TECPR2: variants seen among roughly 807,000 people sequenced by gnomAD.
The protein encoded by TECPR2 is tectonin beta-propeller repeat containing 2, also known as tectonin beta-propeller repeat-containing protein 2.
Under a neutral mutation model 138.1 loss-of-function variants are expected in TECPR2, and 65 were observed. The ratio of observed to expected loss-of-function variants is 0.47; its 90% CI spans 0.39 to 0.58. The LOEUF (loss-of-function observed/expected upper bound fraction) is 0.58. TECPR2 is among the 20% of genes least tolerant of loss of function. The pLI is 0.00. For missense variants in TECPR2, 1,553 were observed against 1,824.5 expected, an observed-to-expected ratio of 0.85 and a Z score of 2.71; for synonymous variants, 746 against 749.8, an observed-to-expected ratio of 0.99 and a Z score of 0.08.
At chr14:102,427,421 A>G (rs1344663279) in intron 6 of TECPR2, among the ~76,000 whole-genome samples, 2 of 152,206 alleles carry the variant, frequency 1.3e-5, no homozygotes, top group African/African-American at 4.8e-5. Context: ...TGGACCACCC[A>G]GTGGCAGCAT....
intron 17 of TECPR2, among the ~76,000 whole-genome samples, chr14:102,487,174 G>A (rs182484108): frequency 1.3e-5 from 2 of 152,316 alleles, no homozygotes; most frequent in East Asian, 1.9e-4. Flanking sequence ...ACAAATGGCC[G>A]CCTGGATAAC....
chr14:102,377,412 G>A (rs1050809426), intron 2 of TECPR2, among the ~76,000 whole-genome samples: 22 of 152,210 alleles, frequency 1.4e-4, no homozygotes, highest in African/African-American at 4.3e-4. Flanking sequence ...CTCCTGCCTT[G>A]GCCTCCTAAA....
At chr14:102,432,969 A>G (rs1567338840) in intron 8 of TECPR2, among the ~76,000 whole-genome samples, 1 of 148,214 alleles carries the variant, frequency 6.7e-6, no homozygotes, top group Non-Finnish European at 1.5e-5. Context: ...ACGCCACTGC[A>G]CTCCAGCCTC....
chr14:102,423,376 G>T (rs1889235066), intron 5 of TECPR2, among the ~76,000 whole-genome samples: 1 of 151,670 alleles, frequency 6.6e-6, no homozygotes, highest in Non-Finnish European at 1.5e-5. Flanking sequence ...AGGTTCCATT[G>T]CATTGAGCCC....
At chr14:102,486,098 G>A (rs1475755425) in intron 17 of TECPR2, among the ~76,000 whole-genome samples, 2 of 152,164 alleles carry the variant, frequency 1.3e-5, no homozygotes. Context: ...GCAGCTTCTT[G>A]CTGGATTCTG....
chr14:102,396,817 A>G (rs1888327515), intron 2 of TECPR2, among the ~76,000 whole-genome samples: 1 of 152,196 alleles, frequency 6.6e-6, no homozygotes, highest in African/African-American at 2.4e-5. Flanking sequence ...AATAGGCAAA[A>G]AGCATCTTGT....
intron 1 of TECPR2, among the ~76,000 whole-genome samples, chr14:102,369,561 A>G (rs1887438427): frequency 6.6e-6 from 1 of 151,866 alleles, no homozygotes; most frequent in Non-Finnish European, 1.5e-5. Flanking sequence ...AGTAGATGGT[A>G]CTACAGGCAC....
intron 16 of TECPR2, among the ~76,000 whole-genome samples, chr14:102,456,461 C>G (rs1332388297): frequency 6.6e-6 from 1 of 152,102 alleles, no homozygotes; most frequent in African/African-American, 2.4e-5. Flanking sequence ...GGGAGGTGAA[C>G]AGGCAACCGG....
Position 102,362,998 on chromosome 14 carries a change from G to A in TECPR2, c.-191G>A, listed in dbSNP as rs1887217160. The A allele has an allele frequency of 9.2e-7, 1 of 1,082,194 alleles. No homozygotes were observed. The highest frequency in any genetic ancestry group is 1.3e-6 in the Non-Finnish European group (1 of 746,084). The allele number at this position is 1,082,194 out of a possible 1,614,324, so 67.0% of individuals were successfully genotyped here. A position where few individuals can be genotyped will look rare whatever the true frequency, so the allele number is the denominator to read the frequency against. ...AGCCAGCTGCTGCTCTTCGGTGCTG[G>A]CCCCGGTGCCGGCCCCGTTGCCCAG... On this transcript the variant is annotated 5_prime_UTR_variant, in exon 1 of 20. Coordinates refer to ENST00000359520, the MANE Select transcript of TECPR2 (RefSeq NM_014844.5).
At chr14:102,376,419 A>C (rs1328207152) in intron 1 of TECPR2, among the ~76,000 whole-genome samples, 1 of 151,732 alleles carries the variant, frequency 6.6e-6, no homozygotes, top group Non-Finnish European at 1.5e-5. Flanking sequence ...TATTCTTTCC[A>C]CTCCTCCATG....
At chr14:102,488,866 TAG>T (rs1891097287) in intron 17 of TECPR2, among the ~76,000 whole-genome samples, 1 of 152,044 alleles carries the variant, frequency 6.6e-6, no homozygotes, top group Non-Finnish European at 1.5e-5. Flanking sequence ...TGTCACTATA[TAG>T]TTCCAGAACA....
intron 17 of TECPR2, among the ~76,000 whole-genome samples, chr14:102,495,171 G>A (rs1408578104): frequency 2.0e-5 from 3 of 149,968 alleles, no homozygotes; most frequent in South Asian, 2.1e-4. Context: ...CCGGGATTGC[G>A]CCAGGGCACT....
In TECPR2 at chr14:102,465,250, C is replaced by T. The variant is rs767100178; in HGVS notation, c.3750C>T (p.Leu1250=). 1.9e-6 allele frequency: 3 copies of T among 1,614,100 alleles called. No homozygotes were observed. Among genetic ancestry groups the T allele is most frequent in the Non-Finnish European group, 2.5e-6 (3 of 1,180,014 alleles). ...RVGTQPLNPS[L]MLPAWIMIEP... ...GGACTCAGCCTCTCAATCCCAGTCT[C>T]ATGCTTCCAGCCTGGATAATGATTG... The change falls in exon 17 of 20, where the codon CTC becomes CTT. Residue 1250 remains leucine (L), a synonymous_variant. Transcript: ENST00000359520.
At chr14:102,432,559 C>T (rs1003201459) in intron 8 of TECPR2, among the ~76,000 whole-genome samples, 2 of 151,920 alleles carry the variant, frequency 1.3e-5, no homozygotes, top group African/African-American at 4.8e-5. Flanking sequence ...GCATGCCCAG[C>T]GAATTTTGTA....
intron 1 of TECPR2, among the ~76,000 whole-genome samples, chr14:102,370,411 A>G (rs1359587251): frequency 6.6e-6 from 1 of 152,198 alleles, no homozygotes; most frequent in African/African-American, 2.4e-5. Context: ...ATTAGGCAAT[A>G]CTTACTGGTG....
chr14:102,412,081 A>G (rs1391415666), intron 4 of TECPR2, among the ~76,000 whole-genome samples: 1 of 151,628 alleles, frequency 6.6e-6, no homozygotes, highest in Non-Finnish European at 1.5e-5. Context: ...TCACTTAGAA[A>G]ATACTATTCA....
At chr14:102,464,219 A>G (rs1890491139) in intron 16 of TECPR2, among the ~76,000 whole-genome samples, 1 of 152,222 alleles carries the variant, frequency 6.6e-6, no homozygotes. Context: ...CCTGGCTGAC[A>G]GCCTGTCCAC....
intron 2 of TECPR2, 39 bp from the exon 3 acceptor site, chr14:102,407,299 G>C: frequency 6.4e-7 from 1 of 1,555,738 alleles, no homozygotes; most frequent in South Asian, 1.2e-5. Flanking sequence ...TTCAAAGCCT[G>C]CATAGTTACA....
At chr14:102,386,248 C>A (rs1275829891) in intron 2 of TECPR2, among the ~76,000 whole-genome samples, 1 of 151,986 alleles carries the variant, frequency 6.6e-6, no homozygotes, top group Non-Finnish European at 1.5e-5. Flanking sequence ...GCAGGCAGAT[C>A]ATTTTGAGCT....
Sources: allele counts gnomAD v4.1 joint callset (sites outside exome capture counted in the v4.1 genomes callset), GRCh38; gene constraint gnomAD v4.1.1; transcripts MANE v1.5; gene names NCBI Gene and HGNC (gene_info 2026-07-23, HGNC 2026-07-21).